ANGPT1: variants seen among roughly 807,000 people sequenced by gnomAD.
The protein encoded by ANGPT1 is angiopoietin 1.
A neutral mutation model predicts 62.2 loss-of-function variants in ANGPT1; 17 were observed. The observed-to-expected ratio is 0.27, with a 90% CI of 0.19 to 0.41. ANGPT1 has a LOEUF of 0.41. ANGPT1 is among the 10% of genes least tolerant of loss of function. The probability of loss-of-function intolerance (pLI) is 1.00; values close to 1 mark genes in which losing one functional copy is unlikely to be tolerated. For synonymous variants in ANGPT1, 199 were observed against 198.9 expected (o/e 1.00, Z 0.00); for missense variants, 478 against 594.9 (o/e 0.80, Z 2.04).
intron 1 of ANGPT1, among the ~76,000 whole-genome samples, chr8:107,486,684 A>G (rs1185016747): frequency 2.6e-5 from 4 of 152,272 alleles, no homozygotes; most frequent in Admixed American, 1.3e-4. Flanking sequence ...AGCACAGAGC[A>G]GTGAAGAAGC....
intron 1 of ANGPT1, among the ~76,000 whole-genome samples, chr8:107,373,487 A>G (rs542498784): frequency 2.0e-5 from 3 of 152,316 alleles, no homozygotes; most frequent in South Asian, 4.1e-4. Context: ...GGGTTTGAGT[A>G]TATCTGTCAT....
At position 107,346,943 on chromosome 8, in the gene ANGPT1, T is replaced by C; in HGVS notation, c.452A>G (p.Gln151Arg). The C allele has an allele frequency of 1.2e-6, 2 of 1,611,018 alleles. No individual in the cohort carries two copies. The highest frequency in any genetic ancestry group is 8.5e-7 in the Non-Finnish European group (1 of 1,178,528). Residue 151 changes from glutamine to arginine, a missense_variant and splice_region_variant, in exon 2 of 9, where the codon CAG (glutamine) becomes CGG (arginine). Physicochemically the swap from Gln to Arg is conservative, Grantham distance 43. Around this residue, in one of 4 missense-constraint regions of ANGPT1, gnomAD observed 343 missense variants for 355.4 expected, o/e 0.97. Coordinates refer to ENST00000517746, the MANE Select transcript of ANGPT1 (RefSeq NM_001146.5). Reference protein sequence around the residue: ...QTRKLTDVETQVLNQTSRLEI... With the variant: ...QTRKLTDVETRVLNQTSRLEI... ...GTGGACTCTGGCCCTGGGGTGTACC[T>C]GGGTCTCAACATCTGTCAGCTTTCT...
chr8:107,443,869 A>G (rs1439602190), intron 1 of ANGPT1, among the ~76,000 whole-genome samples: 1 of 152,094 alleles, frequency 6.6e-6, no homozygotes, highest in Non-Finnish European at 1.5e-5. Flanking sequence ...CCAAAAAGAT[A>G]AAATGAGATT....
intron 2 of ANGPT1, among the ~76,000 whole-genome samples, chr8:107,344,394 C>T (rs1003095693): frequency 2.0e-5 from 3 of 152,136 alleles, no homozygotes; most frequent in Non-Finnish European, 2.9e-5. Flanking sequence ...GAGAAAAACA[C>T]TGCAAGCCAG....
intron 3 of ANGPT1, among the ~76,000 whole-genome samples, chr8:107,328,221 T>C (rs1262079499): frequency 6.6e-6 from 1 of 152,096 alleles, no homozygotes; most frequent in African/African-American, 2.4e-5. Context: ...GTTGCAAATA[T>C]GGGTTTGTAA....
chr8:107,261,713 AAAAG>A (rs754851968), intron 8 of ANGPT1, among the ~76,000 whole-genome samples: 10 of 151,812 alleles, frequency 6.6e-5, no homozygotes, highest in African/African-American at 9.7e-5. Flanking sequence ...TAAAAAAAAA[AAAAG>A]AAAGAAAGAA....
At chr8:107,396,488 G>A (rs1816936597) in intron 1 of ANGPT1, among the ~76,000 whole-genome samples, 1 of 141,948 alleles carries the variant, frequency 7.0e-6, no homozygotes, top group African/African-American at 2.6e-5. Flanking sequence ...TTTTTAGTTA[G>A]CCTTTTTTCT....
chr8:107,294,012 C>T lies in ANGPT1; in HGVS notation c.962G>A (p.Gly321Glu), dbSNP rs766381515. The T allele has an allele frequency of 1.9e-6, 3 of 1,612,370 alleles. No individual in the cohort carries two copies. The African/African-American group carries it at 4.0e-5, about 22-fold the overall frequency. ...KKVFCNMDVN[G>E]GGWTVIQHRE... ...ATGTTGTATTACAGTCCAACCTCCC[C>T]CATTGACATCCATATTGCAAAACAC... The change falls in exon 6 of 9, where the codon GGG becomes GAG. Residue 321 changes from glycine to glutamate, a missense_variant. Coordinates refer to ENST00000517746, the MANE Select transcript of ANGPT1 (RefSeq NM_001146.5).
At chr8:107,375,197 G>A (rs2916081) in intron 1 of ANGPT1, among the ~76,000 whole-genome samples, 87,835 of 151,838 alleles carry the variant, frequency 0.58, 25,619 homozygotes, top group East Asian at 0.71. Flanking sequence ...AAAACTATCA[G>A]GATAAATCTA....
chr8:107,410,972 C>T (rs181428004), intron 1 of ANGPT1, among the ~76,000 whole-genome samples: 219 of 152,146 alleles, frequency 1.4e-3, no homozygotes, highest in Non-Finnish European at 2.5e-3. Flanking sequence ...GTCTCTACAA[C>T]CATTCTTATT....
At chr8:107,469,036 A>G (rs1586348406) in intron 1 of ANGPT1, among the ~76,000 whole-genome samples, 1 of 152,178 alleles carries the variant, frequency 6.6e-6, no homozygotes, top group East Asian at 1.9e-4. Flanking sequence ...ATATAGACAC[A>G]AAGACAGATA....
chr8:107,400,024 A>G (rs1431045646), intron 1 of ANGPT1, among the ~76,000 whole-genome samples: 1 of 152,156 alleles, frequency 6.6e-6, no homozygotes, highest in African/African-American at 2.4e-5. Context: ...ACACCATCAA[A>G]AGGAGAGTGG....
At chr8:107,318,974 C>G (rs150805716) in intron 4 of ANGPT1, among the ~76,000 whole-genome samples, 26 of 152,206 alleles carry the variant, frequency 1.7e-4, no homozygotes, top group African/African-American at 5.5e-4. Context: ...AAAAAAGCTG[C>G]CTGGATGACT....
At chr8:107,352,569 T>C (rs771191229) in intron 1 of ANGPT1, among the ~76,000 whole-genome samples, 1 of 152,264 alleles carries the variant, frequency 6.6e-6, no homozygotes, top group East Asian at 1.9e-4. Flanking sequence ...TTATGACATG[T>C]CTTGTATGTG....
At chr8:107,395,522 A>G (rs1262607993) in intron 1 of ANGPT1, among the ~76,000 whole-genome samples, 1 of 152,166 alleles carries the variant, frequency 6.6e-6, no homozygotes, top group Non-Finnish European at 1.5e-5. Flanking sequence ...ATTAAAGATG[A>G]CGGTAAACAT....
intron 1 of ANGPT1, among the ~76,000 whole-genome samples, chr8:107,409,475 G>A (rs1423585278): frequency 6.6e-6 from 1 of 152,092 alleles, no homozygotes; most frequent in Non-Finnish European, 1.5e-5. Context: ...AGGCTCAGTG[G>A]CTCTGTTCTA....
chr8:107,475,577 T>C (rs994610310), intron 1 of ANGPT1, among the ~76,000 whole-genome samples: 1 of 152,094 alleles, frequency 6.6e-6, no homozygotes, highest in African/African-American at 2.4e-5. Context: ...AAAGCCAAAA[T>C]TGACAAATGG....
rs116196223 is a variant in ANGPT1, at chr8:107,410,803, T to C, written c.298-63706A>G. ...ATTACCCATTAACAAAGTGAAATCTTAGCTTTTTTAAATGAGATTTCAGTA... is the reference window on the plus strand; with the variant it reads ...ATTACCCATTAACAAAGTGAAATCTCAGCTTTTTTAAATGAGATTTCAGTA... On this transcript the variant is annotated intron_variant, in intron 1 of 8. Transcript: ENST00000517746. Among the ~76,000 whole-genome samples the C allele has an allele frequency of 5.4e-3, 819 of 152,310 alleles. 8 individuals carry two copies. Among genetic ancestry groups the C allele is most frequent in the African/African-American group, 0.019 (774 of 41,582 alleles).
chr8:107,374,511 C>G (rs888222636), intron 1 of ANGPT1, among the ~76,000 whole-genome samples: 1 of 152,136 alleles, frequency 6.6e-6, no homozygotes, highest in Non-Finnish European at 1.5e-5. Context: ...AAGTGGGGGA[C>G]GAAATCCAAT....
Sources: allele counts gnomAD v4.1 joint callset (sites outside exome capture counted in the v4.1 genomes callset), GRCh38; gene constraint gnomAD v4.1.1; regional missense constraint gnomAD v4.1.1; transcripts MANE v1.5; gene names NCBI Gene and HGNC (gene_info 2026-07-23, HGNC 2026-07-21).